UBR3: variants seen among roughly 807,000 people sequenced by gnomAD.
UBR3 encodes ubiquitin protein ligase E3 component n-recognin 3, also known as E3 ubiquitin-protein ligase UBR3.
UBR3 carries 85 observed loss-of-function variants against 243.2 expected under a neutral mutation model. That is an observed-to-expected ratio of 0.35 (90% CI 0.29 to 0.42). The LOEUF (loss-of-function observed/expected upper bound fraction) is 0.42. UBR3 is among the 10% of genes least tolerant of loss of function. The pLI, the probability that UBR3 is intolerant of heterozygous loss-of-function variation, is 1.00. For missense variants in UBR3, 1,686 were observed against 2,300.8 expected (o/e 0.73, Z 5.47); for synonymous variants, 748 against 799.8 (o/e 0.94, Z 1.09).
intron 32 of UBR3, among the ~76,000 whole-genome samples, chr2:170,049,246 GAGAAA>G (rs1278658019): frequency 2.0e-5 from 3 of 152,148 alleles, no homozygotes; most frequent in Admixed American, 1.3e-4. Context: ...TGTAAGGCTA[GAGAAA>G]AGAAAACATT....
At chr2:169,882,004 A>C (rs1377035617) in intron 5 of UBR3, among the ~76,000 whole-genome samples, 1 of 125,018 alleles carries the variant, frequency 8.0e-6, no homozygotes, top group Non-Finnish European at 1.6e-5. Context: ...TATTTATATA[A>C]TATATAATAT....
chr2:170,043,991 A>T (rs1020868599), intron 32 of UBR3, among the ~76,000 whole-genome samples: 1 of 152,164 alleles, frequency 6.6e-6, no homozygotes, highest in Non-Finnish European at 1.5e-5. Context: ...AGTCTTTCAC[A>T]CTTTGAGAAC....
chr2:169,995,278 T>C (rs2089438814), intron 26 of UBR3, among the ~76,000 whole-genome samples: 2 of 152,218 alleles, frequency 1.3e-5, no homozygotes, highest in African/African-American at 2.4e-5. Context: ...CAAACATTTA[T>C]TCCTTAATTT....
chr2:169,962,534 A>C (rs184942711), intron 24 of UBR3, among the ~76,000 whole-genome samples: 7 of 152,292 alleles, frequency 4.6e-5, no homozygotes, highest in Non-Finnish European at 2.9e-5. Context: ...GTTATACAGC[A>C]ATACTTTCCT....
chr2:170,021,502 A>C (rs2090391271), intron 30 of UBR3, among the ~76,000 whole-genome samples: 1 of 152,098 alleles, frequency 6.6e-6, no homozygotes, highest in Non-Finnish European at 1.5e-5. Flanking sequence ...TAAGAGCACT[A>C]ATCCCATTCA....
At chr2:170,077,559 C>A in intron 36 of UBR3, 1 of 636,446 alleles carries the variant, frequency 1.6e-6, no homozygotes, top group Non-Finnish European at 2.7e-6. Flanking sequence ...TAGTAACCAT[C>A]CTCCTCTATG....
At chr2:169,956,187 A>G (rs1286641484) in intron 23 of UBR3, among the ~76,000 whole-genome samples, 2 of 139,008 alleles carry the variant, frequency 1.4e-5, no homozygotes, top group African/African-American at 5.3e-5. Flanking sequence ...CTGCAGTGAG[A>G]TACCTGACAC....
At chr2:169,877,705 C>T (rs971993039) in intron 4 of UBR3, 68 bp downstream of exon 4, 1 of 1,421,494 alleles carries the variant, frequency 7.0e-7, no homozygotes, top group South Asian at 1.4e-5. Flanking sequence ...ACCTCTCAAA[C>T]TTTACTCATT....
chr2:169,908,919 G>A (rs1255670727), intron 10 of UBR3, among the ~76,000 whole-genome samples: 1 of 151,024 alleles, frequency 6.6e-6, no homozygotes, highest in African/African-American at 2.4e-5. Flanking sequence ...TGCCTCCCGG[G>A]TTCACGCCAT....
chr2:169,975,961 T>C (rs1235795052), intron 24 of UBR3, among the ~76,000 whole-genome samples: 1 of 152,022 alleles, frequency 6.6e-6, no homozygotes, highest in Non-Finnish European at 1.5e-5. Flanking sequence ...TTTTTCTCTT[T>C]TTACAGTTTT....
intron 31 of UBR3, among the ~76,000 whole-genome samples, chr2:170,038,899 A>G (rs895198304): frequency 3.3e-5 from 5 of 152,060 alleles, no homozygotes. Flanking sequence ...GAGTGTGCGT[A>G]TAGAGAGAAA....
chr2:169,961,755 T>C (rs921300160), intron 24 of UBR3, among the ~76,000 whole-genome samples: 1 of 152,164 alleles, frequency 6.6e-6, no homozygotes, highest in African/African-American at 2.4e-5. Flanking sequence ...ATCTGATCCT[T>C]AGAGATCTGA....
At chr2:169,833,701 C>T (rs140759394) in intron 1 of UBR3, among the ~76,000 whole-genome samples, 11 of 152,018 alleles carry the variant, frequency 7.2e-5, no homozygotes, top group African/African-American at 2.4e-4. Flanking sequence ...CTCCATCCTA[C>T]CCCTCAGTAA....
chr2:169,860,699 A>G (rs1464823670), intron 1 of UBR3, among the ~76,000 whole-genome samples: 1 of 152,182 alleles, frequency 6.6e-6, no homozygotes, highest in East Asian at 1.9e-4. Context: ...TGTCTTAGGA[A>G]AAATAGCCTT....
chr2:170,031,964 G>A (rs1408504174), intron 31 of UBR3, among the ~76,000 whole-genome samples: 1 of 152,138 alleles, frequency 6.6e-6, no homozygotes, highest in Admixed American at 6.6e-5. Context: ...TTGCTGTTGT[G>A]AATAGTGCTG....
At chr2:170,051,741 C>T (rs1019694892) in intron 32 of UBR3, among the ~76,000 whole-genome samples, 1 of 152,156 alleles carries the variant, frequency 6.6e-6, no homozygotes, top group African/African-American at 2.4e-5. Flanking sequence ...AAATGACTTT[C>T]TGGTTAGGAT....
rs1038390363 is a variant in UBR3 at position 169,851,939 on chromosome 2, T to C, written c.546-20297T>C. On this transcript the variant is annotated intron_variant, in intron 1 of 38. Coordinates refer to ENST00000272793, the MANE Select transcript of UBR3 (RefSeq NM_172070.4). ...AATATTGGTTTGAAATGTGAACTAC[T>C]CTTTTGCTTACTGCTGAAACATTTA... is the stretch of plus-strand genomic sequence containing the variant. Among the ~76,000 whole-genome samples the C allele has an allele frequency of 3.3e-4, 50 of 152,162 alleles. 1 individual carries two copies. Among genetic ancestry groups the C allele is most frequent in the Admixed American group, 3.0e-3 (46 of 15,270 alleles).
chr2:170,029,566 C>T, intron 31 of UBR3, 118 bp downstream of exon 31: 3 of 744,400 alleles, frequency 4.0e-6, no homozygotes, highest in Non-Finnish European at 6.2e-6. Context: ...CTTTATGAAG[C>T]ACAGAAATAT....
intron 29 of UBR3, among the ~76,000 whole-genome samples, chr2:170,011,596 A>C (rs1355910903): frequency 1.3e-5 from 2 of 151,114 alleles, no homozygotes; most frequent in Non-Finnish European, 2.9e-5. Flanking sequence ...ATTTAGAAAC[A>C]AAGTATTTCT....
Sources: gnomAD v4.1 joint callset for allele counts (sites outside exome capture counted in the v4.1 genomes callset) on GRCh38, gnomAD v4.1.1 for gene constraint, MANE v1.5 for transcripts, NCBI Gene and HGNC (gene_info 2026-07-23, HGNC 2026-07-21) for gene names.